Variants in MERTK observed in about 807,000 individuals in gnomAD.
The protein encoded by MERTK is MER proto-oncogene, tyrosine kinase, also known as tyrosine-protein kinase Mer.
MERTK carries 69 observed loss-of-function variants against 99.3 expected under a neutral mutation model. The observed-to-expected ratio is 0.70, with a 90% confidence interval of 0.57 to 0.85. MERTK has a LOEUF of 0.85. Ranked by LOEUF, MERTK falls within the 40% of genes least tolerant of loss-of-function variation. MERTK has a pLI of 0.00. For missense variants in MERTK, 1,125 were observed against 1,249.4 expected, an observed-to-expected ratio of 0.90 and a Z score of 1.50; for synonymous variants, 426 against 467.6, an observed-to-expected ratio of 0.91 and a Z score of 1.15.
At chr2:111,984,236 A>G (rs1354747180) in intron 8 of MERTK, among the ~76,000 whole-genome samples, 1 of 152,112 alleles carries the variant, frequency 6.6e-6, no homozygotes, top group African/African-American at 2.4e-5. Flanking sequence ...CAGGCCCTCC[A>G]TGGATTGAAT....
At chr2:112,020,730 G>T in intron 16 of MERTK, 1 of 469,348 alleles carries the variant, frequency 2.1e-6, no homozygotes, top group Non-Finnish European at 4.4e-6. Flanking sequence ...AGACCTCTGG[G>T]AGGAAGGCTG....
intron 16 of MERTK, among the ~76,000 whole-genome samples, chr2:112,021,158 C>T (rs1169966453): frequency 6.6e-6 from 1 of 151,976 alleles, no homozygotes; most frequent in African/African-American, 2.4e-5. Flanking sequence ...CGAGATCATG[C>T]CACTGCACAC....
Position 112,029,341 on chromosome 2 carries a change from G to T in MERTK, c.*477G>T. The T allele has an allele frequency of 1.3e-5, 12 of 940,482 alleles. No homozygotes were observed. The highest frequency in any genetic ancestry group is 1.5e-5 in the Non-Finnish European group (12 of 788,418). The allele number at this position is 940,482 out of a possible 1,614,324, so 58.3% of individuals were successfully genotyped here. ...TATAACTGATTAATTTTCTGATATGGCTTCCTAATAAAATATGAATAAGGA... is the reference window on the plus strand; with the variant it reads ...TATAACTGATTAATTTTCTGATATGTCTTCCTAATAAAATATGAATAAGGA... On this transcript the variant is annotated 3_prime_UTR_variant, in exon 19 of 19. Coordinates refer to ENST00000295408, the MANE Select transcript of MERTK (RefSeq NM_006343.3).
intron 10 of MERTK, among the ~76,000 whole-genome samples, chr2:111,998,017 AGGGG>A (rs1676788703): frequency 6.6e-6 from 1 of 152,188 alleles, no homozygotes; most frequent in African/African-American, 2.4e-5. Flanking sequence ...AGAATGAGTG[AGGGG>A]TGTATGGCTA....
At chr2:111,927,987 C>T (rs1336186650) in intron 1 of MERTK, among the ~76,000 whole-genome samples, 2 of 151,990 alleles carry the variant, frequency 1.3e-5, no homozygotes, top group African/African-American at 4.8e-5. Context: ...AATCTGTGTC[C>T]AAAAATGCCA....
At chr2:111,902,766 GTTCC>G (rs575415189) in intron 1 of MERTK, among the ~76,000 whole-genome samples, 1 of 134,762 alleles carries the variant, frequency 7.4e-6, no homozygotes, top group African/African-American at 2.8e-5. Context: ...AACCTGATCA[GTTCC>G]TTCCTTCCTT....
At position 111,944,992 on chromosome 2, in the gene MERTK, C is replaced by T. The variant is rs143570667; in HGVS notation, c.515C>T (p.Ser172Leu). The change falls in exon 3 of 19, where the codon TCG becomes TTG. Residue 172 changes from serine to leucine, a missense_variant. By Grantham distance (145) the Ser-to-Leu change is moderately radical. Transcript: ENST00000295408. ...ITSVQRSDNG[S>L]YICKMKINNE... ...AGTGTGCAGCGTTCAGACAATGGGT[C>T]GTATATCTGTAAGATGAAAATAAAC... 5.6e-6 allele frequency: 9 copies of T among 1,613,452 alleles called. No individual in the cohort carries two copies. The highest frequency in any genetic ancestry group is 2.2e-5 in the East Asian group (1 of 44,870).
At chr2:111,966,752 A>G (rs978768513) in intron 5 of MERTK, among the ~76,000 whole-genome samples, 2 of 152,164 alleles carry the variant, frequency 1.3e-5, no homozygotes, top group African/African-American at 4.8e-5. Context: ...GGGCAGTTCC[A>G]CAAATAATCT....
intron 1 of MERTK, among the ~76,000 whole-genome samples, chr2:111,907,343 G>A (rs1450520124): frequency 6.6e-6 from 1 of 152,234 alleles, no homozygotes; most frequent in Non-Finnish European, 1.5e-5. Context: ...GAACCCAGGA[G>A]GCGGAGGTTG....
intron 4 of MERTK, among the ~76,000 whole-genome samples, chr2:111,956,134 G>A (rs548765164): frequency 6.6e-6 from 1 of 152,156 alleles, no homozygotes; most frequent in East Asian, 1.9e-4. Flanking sequence ...AAAGTTAGTG[G>A]GTAAGAGCTC....
Position 111,984,393 on chromosome 2 carries a change from C to T in MERTK, c.1296+1400C>T, listed in dbSNP as rs1157358046. Among the ~76,000 whole-genome samples, 3 of 152,104 alleles carry T rather than the reference C, an allele frequency of 2.0e-5. No homozygotes were observed. The East Asian group carries it at 5.8e-4, about 29-fold the overall frequency. ...CCTCTGTCACCCAGTCAAGTTGACA[C>T]ATAATATTAACCATCGCAGCTTAGA... On this transcript the variant is annotated intron_variant, in intron 8 of 18. Coordinates refer to ENST00000295408, the MANE Select transcript of MERTK (RefSeq NM_006343.3).
Position 111,997,354 on chromosome 2 carries a change from G to A in MERTK, c.1482G>A (p.Pro494=), listed in dbSNP as rs764220945. ...GWVDYAPSST[P]APGNADPVLI... is the part of the protein sequence containing the mutation. ...TAGATTATGCCCCCTCTTCAACTCCGGCGCCTGGCAACGCAGATCCTGTGC... is the reference window on the plus strand; with the variant it reads ...TAGATTATGCCCCCTCTTCAACTCCAGCGCCTGGCAACGCAGATCCTGTGC... The change falls in exon 10 of 19, where the codon CCG becomes CCA. Residue 494 remains proline, a synonymous_variant. Transcript: ENST00000295408. 1.1e-5 allele frequency: 18 copies of A among 1,613,910 alleles called. No homozygotes were observed. The highest frequency in any genetic ancestry group is 3.3e-5 in the Admixed American group (2 of 59,984).
At chr2:111,930,309 C>G (rs1208228215) in intron 2 of MERTK, 1 of 152,756 alleles carries the variant, frequency 6.5e-6, no homozygotes, top group African/African-American at 2.4e-5. Context: ...CCCCCACTAC[C>G]ACCAAAAGCA....
intron 2 of MERTK, among the ~76,000 whole-genome samples, chr2:111,929,766 T>A (rs140020217): frequency 9.6e-6 from 1 of 103,786 alleles, no homozygotes; most frequent in Non-Finnish European, 2.2e-5. Flanking sequence ...TTTTTTTTTT[T>A]TTTTTTGTAT....
chr2:112,015,304 C>T (rs907374028), intron 15 of MERTK, among the ~76,000 whole-genome samples: 1 of 152,196 alleles, frequency 6.6e-6, no homozygotes, highest in Non-Finnish European at 1.5e-5. Context: ...GTGAGAAATG[C>T]AGTGCTCCCC....
chr2:111,908,570 T>C lies in MERTK; in HGVS notation c.61+9774T>C, dbSNP rs554145691. 2.0e-5 allele frequency among the ~76,000 whole-genome samples: 3 copies of C among 152,340 alleles called. No individual in the cohort carries two copies. The East Asian group carries it at 5.8e-4, about 29-fold the overall frequency. ...ATCATGATTGACATGATTATGTTGG[T>C]AACACTCTATAGTGTTGTTTTGCAC... On this transcript the variant is annotated intron_variant, in intron 1 of 18. Transcript: ENST00000295408.
At chr2:111,925,384 C>T (rs779690625) in intron 1 of MERTK, among the ~76,000 whole-genome samples, 4 of 137,300 alleles carry the variant, frequency 2.9e-5, no homozygotes, top group Non-Finnish European at 6.1e-5. Context: ...TTACTGCAAC[C>T]TCTGCCTCCC....
chr2:112,026,421 C>G (rs1021202215), intron 18 of MERTK, among the ~76,000 whole-genome samples: 7 of 151,964 alleles, frequency 4.6e-5, no homozygotes, highest in Admixed American at 3.9e-4. Flanking sequence ...AGATTATGTC[C>G]CTAAGAACAG....
chr2:111,943,606 A>G (rs1401292620), intron 2 of MERTK, among the ~76,000 whole-genome samples: 1 of 152,222 alleles, frequency 6.6e-6, no homozygotes, highest in African/African-American at 2.4e-5. Flanking sequence ...AGGAGAGATC[A>G]TTAAGTACCC....
Sources: gnomAD v4.1 joint callset for allele counts (sites outside exome capture counted in the v4.1 genomes callset) on GRCh38, gnomAD v4.1.1 for gene constraint, MANE v1.5 for transcripts, NCBI Gene and HGNC (gene_info 2026-07-23, HGNC 2026-07-21) for gene names.